NSMCE1: variants seen among roughly 807,000 people sequenced by gnomAD.
The protein encoded by NSMCE1 is NSE1 component of SMC5/6 complex, also known as non-structural maintenance of chromosomes element 1 homolog.
NSMCE1 carries 18 observed loss-of-function variants against 29.6 expected under a neutral mutation model. The observed-to-expected ratio is 0.61, with a 90% CI of 0.42 to 0.90. The LOEUF (loss-of-function observed/expected upper bound fraction) is 0.90, where lower values mean the gene tolerates loss of function less well. Among genes scored for constraint, NSMCE1 ranks in the 40% least tolerant of loss-of-function variants. The pLI is 0.00. For missense variants in NSMCE1, 314 were observed against 343.6 expected (o/e 0.91, Z 0.68); for synonymous variants, 124 against 133.4 (o/e 0.93, Z 0.49).
chr16:27,256,764 C>T (rs765500618), intron 2 of NSMCE1, among the ~76,000 whole-genome samples: 16 of 152,206 alleles, frequency 1.1e-4, no homozygotes, highest in Non-Finnish European at 1.9e-4. Flanking sequence ...TAAGATGCCC[C>T]AAATGCCTTC....
At chr16:27,227,773 CTTTTCTTTTCTTTT>C (rs2083714420) in intron 5 of NSMCE1, among the ~76,000 whole-genome samples, 1 of 127,726 alleles carries the variant, frequency 7.8e-6, no homozygotes, top group African/African-American at 2.7e-5. Context: ...ACTCCCGTTT[CTTTTCTTTTCTTTT>C]TTTTTTTTTT....
At chr16:27,230,192 T>C (rs909563072) in intron 5 of NSMCE1, among the ~76,000 whole-genome samples, 4 of 152,312 alleles carry the variant, frequency 2.6e-5, no homozygotes, top group East Asian at 1.9e-4. Flanking sequence ...GGCCTTCTCC[T>C]GGACGGACAG....
Position 27,232,721 on chromosome 16 carries a change from GC to G in NSMCE1, c.483+279del, listed in dbSNP as rs1239040545. Among the ~76,000 whole-genome samples the G allele has an allele frequency of 6.6e-6, 1 of 152,264 alleles. No individual in the cohort carries two copies. The highest frequency in any genetic ancestry group is 1.5e-5 in the Non-Finnish European group (1 of 68,050). On this transcript the variant is annotated intron_variant, in intron 5 of 7. Coordinates refer to ENST00000361439, the MANE Select transcript of NSMCE1 (RefSeq NM_145080.4). The surrounding 1 kb of genome is among the most constrained non-coding windows in gnomAD (Gnocchi z 4.5). ...CCTGCCTTGCAGTCTGTGGGCTAGAGCCTTGATCCTGGGGCCCAAGTCCCTG... is the reference window on the plus strand; with the variant it reads ...CCTGCCTTGCAGTCTGTGGGCTAGAGCTTGATCCTGGGGCCCAAGTCCCTG...
In NSMCE1 at chr16:27,257,634, T is replaced by C. The variant is rs772954530; in HGVS notation, c.-11-53A>G. 5.5e-6 allele frequency: 8 copies of C among 1,450,558 alleles called. 1 individual carries two copies. Among genetic ancestry groups the C allele is most frequent in the African/African-American group, 1.4e-5 (1 of 70,318 alleles). The allele number at this position is 1,450,558 out of a possible 1,614,324, so 89.9% of individuals were successfully genotyped here. ...AACCCCAAGCACATCAGAAGCAACGTCCTGGGTCTTGTACTAATTTACATT... is the reference window on the plus strand; with the variant it reads ...AACCCCAAGCACATCAGAAGCAACGCCCTGGGTCTTGTACTAATTTACATT... On this transcript the variant is annotated intron_variant, in intron 1 of 7. Coordinates refer to ENST00000361439, the MANE Select transcript of NSMCE1 (RefSeq NM_145080.4).
rs74016031 is a variant in NSMCE1 at position 27,225,358 on chromosome 16, C to A, written c.722-122G>T. The A allele has an allele frequency of 4.6e-3, 3,078 of 676,196 alleles. 68 individuals carry two copies. In the African/African-American group the frequency reaches 0.049, roughly 11 times the overall value. The allele number at this position is 676,196 out of a possible 1,614,324, so 41.9% of individuals were successfully genotyped here. ...ACTGTCCTAGGTCTACACCATCCTT[C>A]ACTGCTAACCCTCCCCAGCCCGTGA... On this transcript the variant is annotated intron_variant, in intron 7 of 7. Transcript: ENST00000361439.
intron 2 of NSMCE1, among the ~76,000 whole-genome samples, chr16:27,247,421 C>T (rs1274929818): frequency 6.6e-6 from 1 of 152,184 alleles, no homozygotes; most frequent in African/African-American, 2.4e-5. Context: ...AACGGTGAGT[C>T]AATTAAACTT....
At chr16:27,244,328 G>A (rs1390731910) in intron 2 of NSMCE1, among the ~76,000 whole-genome samples, 2 of 152,198 alleles carry the variant, frequency 1.3e-5, no homozygotes, top group Non-Finnish European at 1.5e-5. Flanking sequence ...TCTGACAGGC[G>A]CACGCCCTTC....
At chr16:27,244,823 G>C (rs545902473) in intron 2 of NSMCE1, among the ~76,000 whole-genome samples, 2 of 152,212 alleles carry the variant, frequency 1.3e-5, no homozygotes, top group Non-Finnish European at 2.9e-5. Flanking sequence ...TGAAGGCTGG[G>C]ATCTGCTCAT....
intron 2 of NSMCE1, among the ~76,000 whole-genome samples, chr16:27,249,129 C>T (rs1463853073): frequency 6.6e-6 from 1 of 152,282 alleles, no homozygotes; most frequent in East Asian, 1.9e-4. Context: ...CACGCCCAGC[C>T]GGGTTGAATG....
At chr16:27,268,032 C>G (rs1352871106) in intron 1 of NSMCE1, 2 of 152,156 alleles carry the variant, frequency 1.3e-5, no homozygotes, top group Non-Finnish European at 2.9e-5. Context: ...CGTGGGCCAC[C>G]GCGACCAGGT....
chr16:27,234,374 C>A lies in NSMCE1; in HGVS notation c.259-109G>T, dbSNP rs1354383596. Reference sequence around the variant, plus strand: ...TCCATCTCTGGCCAGTCACTGAGCTCCTGTATCCAGGCACTGCGGGCCGCA... The same window carrying A: ...TCCATCTCTGGCCAGTCACTGAGCTACTGTATCCAGGCACTGCGGGCCGCA... On this transcript the variant is annotated intron_variant, in intron 3 of 7. Transcript: ENST00000361439. 4 of 782,962 alleles carry A rather than the reference C, an allele frequency of 5.1e-6. No individual in the cohort carries two copies. The African/African-American group carries it at 6.8e-5, about 13-fold the overall frequency. The allele number at this position is 782,962 out of a possible 1,614,324, so 48.5% of individuals were successfully genotyped here.
chr16:27,253,729 C>A (rs1287579025), intron 2 of NSMCE1, among the ~76,000 whole-genome samples: 3 of 152,204 alleles, frequency 2.0e-5, no homozygotes, highest in African/African-American at 7.2e-5. Flanking sequence ...CAGTCCCTAG[C>A]ACAGAGGCCT....
rs1291553237 is a variant in NSMCE1 at position 27,235,243 on chromosome 16, C to G, written c.193G>C (p.Glu65Gln). ...DFINNINSVL[E>Q]SLYIEIKRGV... ...CTCTTTATCTCAATATACAAGGACT[C>G]CAAGACACTGTTAATGTTGTTGATG... Residue 65 changes from glutamate to glutamine, a missense_variant, in exon 3 of 8, where the codon GAG becomes CAG. Glu to Gln is a conservative substitution (Grantham distance 29). Transcript: ENST00000361439. 3 of 1,613,488 alleles carry G rather than the reference C, an allele frequency of 1.9e-6. No homozygotes were observed.
At chr16:27,254,404 A>G (rs1179160497) in intron 2 of NSMCE1, among the ~76,000 whole-genome samples, 1 of 152,206 alleles carries the variant, frequency 6.6e-6, no homozygotes, top group African/African-American at 2.4e-5. Context: ...GATCATAACA[A>G]TTTTAAAGGT....
intron 2 of NSMCE1, among the ~76,000 whole-genome samples, chr16:27,257,106 A>C (rs925317170): frequency 5.3e-5 from 8 of 152,118 alleles, no homozygotes; most frequent in African/African-American, 1.2e-4. Context: ...TGAACCATGC[A>C]CTTACTTATG....
At chr16:27,251,389 T>C (rs2084034186) in intron 2 of NSMCE1, among the ~76,000 whole-genome samples, 1 of 151,860 alleles carries the variant, frequency 6.6e-6, no homozygotes. Context: ...AGATTTTTCT[T>C]TTTTAGCTTA....
At chr16:27,250,461 A>C (rs2084012985) in intron 2 of NSMCE1, among the ~76,000 whole-genome samples, 1 of 151,302 alleles carries the variant, frequency 6.6e-6, no homozygotes, top group Non-Finnish European at 1.5e-5. Context: ...TTGTTTTTTA[A>C]TCAGGAATAG....
intron 7 of NSMCE1, among the ~76,000 whole-genome samples, 190 bp from the exon 8 acceptor site, chr16:27,225,426 G>A (rs2083678108): frequency 6.6e-6 from 1 of 152,208 alleles, no homozygotes; most frequent in African/African-American, 2.4e-5. Context: ...ACAAACTGAG[G>A]GAGCTGTGGA....
chr16:27,247,926 C>CAA (rs78525963), intron 2 of NSMCE1, among the ~76,000 whole-genome samples: 1 of 107,674 alleles, frequency 9.3e-6, no homozygotes. Context: ...GACTCTGTCT[C>CAA]AAAAAAAAAA....
Sources: gnomAD v4.1 joint callset for allele counts (sites outside exome capture counted in the v4.1 genomes callset) on GRCh38, gnomAD v4.1.1 for gene constraint, Gnocchi (gnomAD v3.1) non-coding constraint, MANE v1.5 for transcripts, NCBI Gene and HGNC (gene_info 2026-07-23, HGNC 2026-07-21) for gene names.